RAB2A: variants seen among roughly 807,000 people sequenced by gnomAD.
RAB2A encodes ras-related protein Rab-2A.
RAB2A carries 7 observed loss-of-function variants against 32.5 expected under a neutral mutation model. The ratio of observed to expected loss-of-function variants is 0.22; its 90% CI spans 0.12 to 0.40. The LOEUF (loss-of-function observed/expected upper bound fraction) is 0.40, where lower values mean the gene tolerates loss of function less well. Ranked by LOEUF, RAB2A falls within the 10% of genes least tolerant of loss-of-function variation. The pLI, the probability that RAB2A is intolerant of heterozygous loss-of-function variation, is 1.00. For missense variants in RAB2A, 108 were observed against 260.7 expected, an observed-to-expected ratio of 0.41 and a Z score of 4.03; for synonymous variants, 79 against 85.2, an observed-to-expected ratio of 0.93 and a Z score of 0.40.
At chr8:60,606,588 C>T (rs916748889) in intron 6 of RAB2A, among the ~76,000 whole-genome samples, 10 of 152,186 alleles carry the variant, frequency 6.6e-5, no homozygotes, top group African/African-American at 9.6e-5. Flanking sequence ...TGTTACTTAG[C>T]GGGAAGAATT....
chr8:60,608,555 C>CTCTCCTTCTCCT (rs550382106), intron 6 of RAB2A, among the ~76,000 whole-genome samples: 1 of 144,096 alleles, frequency 6.9e-6, no homozygotes. Context: ...TCTCTCCTCT[C>CTCTCCTTCTCCT]TCTCCTTCTC....
chr8:60,617,684 G>A (rs1804469055), intron 6 of RAB2A, among the ~76,000 whole-genome samples: 1 of 152,140 alleles, frequency 6.6e-6, no homozygotes, highest in South Asian at 2.1e-4. Flanking sequence ...GGCAGAGGTT[G>A]CAGTGAACCG....
intron 2 of RAB2A, among the ~76,000 whole-genome samples, chr8:60,562,948 G>A (rs957357317): frequency 2.6e-5 from 4 of 151,792 alleles, no homozygotes; most frequent in Non-Finnish European, 5.9e-5. Context: ...GCATGTTTTT[G>A]CCTTCATTGG....
At chr8:60,567,308 G>A (rs1225446026) in intron 2 of RAB2A, among the ~76,000 whole-genome samples, 3 of 151,972 alleles carry the variant, frequency 2.0e-5, no homozygotes. Context: ...TAGAGACAGG[G>A]TTTTACCATG....
intron 5 of RAB2A, among the ~76,000 whole-genome samples, chr8:60,586,380 C>G (rs981009647): frequency 1.2e-4 from 15 of 128,184 alleles, no homozygotes; most frequent in Non-Finnish European, 2.4e-4. Context: ...GCCTCCTGCC[C>G]GTTAAAAAAA....
At chr8:60,547,820 C>A (rs1227966529) in intron 1 of RAB2A, among the ~76,000 whole-genome samples, 1 of 92,816 alleles carries the variant, frequency 1.1e-5, no homozygotes, top group African/African-American at 4.6e-5. Flanking sequence ...GGCGGCTGGC[C>A]GGGCGGGGGG....
chr8:60,611,170 C>A (rs1160288934), intron 6 of RAB2A, among the ~76,000 whole-genome samples: 1 of 152,184 alleles, frequency 6.6e-6, no homozygotes, highest in Admixed American at 6.5e-5. Context: ...GCTCTGGACT[C>A]CTCAGTCTCC....
At chr8:60,620,097 A>G (rs935411430) in intron 7 of RAB2A, among the ~76,000 whole-genome samples, 12 of 152,374 alleles carry the variant, frequency 7.9e-5, no homozygotes, top group African/African-American at 2.9e-4. Context: ...TACTTTTCTC[A>G]AAGTGTTGTA....
intron 3 of RAB2A, among the ~76,000 whole-genome samples, chr8:60,578,173 G>A (rs1472742666): frequency 1.3e-5 from 2 of 152,024 alleles, no homozygotes; most frequent in Non-Finnish European, 2.9e-5. Flanking sequence ...TGGCTCTTTG[G>A]GATCAATCCA....
chr8:60,537,938 C>T (rs1038625794), intron 1 of RAB2A, among the ~76,000 whole-genome samples: 1 of 152,158 alleles, frequency 6.6e-6, no homozygotes, highest in African/African-American at 2.4e-5. Flanking sequence ...CCTCAGCCTC[C>T]CAGTGCTGGG....
At chr8:60,561,406 T>G (rs1313850237) in intron 2 of RAB2A, among the ~76,000 whole-genome samples, 4 of 152,200 alleles carry the variant, frequency 2.6e-5, no homozygotes, top group Non-Finnish European at 5.9e-5. Context: ...TTTAGGTGTG[T>G]CTCAACGTGA....
intron 1 of RAB2A, among the ~76,000 whole-genome samples, chr8:60,543,008 A>G (rs72648591): frequency 1.9e-4 from 29 of 152,304 alleles, no homozygotes; most frequent in Non-Finnish European, 3.4e-4. Context: ...AATGCTCTGT[A>G]TTCCCAATTT....
At chr8:60,608,483 CTCTTCCTCTCCT>C (rs60627947) in intron 6 of RAB2A, among the ~76,000 whole-genome samples, 31,173 of 132,682 alleles carry the variant, frequency 0.23, 4,018 homozygotes, top group Middle Eastern at 0.39. Flanking sequence ...CTCCCTCTCC[CTCTTCCTCTCCT>C]TCTTCCTCTC....
chr8:60,527,383 A>G (rs1312034807), intron 1 of RAB2A, among the ~76,000 whole-genome samples: 1 of 152,174 alleles, frequency 6.6e-6, no homozygotes, highest in African/African-American at 2.4e-5. Flanking sequence ...TAAGATCAGA[A>G]GAGGTTTAAT....
intron 6 of RAB2A, among the ~76,000 whole-genome samples, chr8:60,593,423 T>C (rs1051161613): frequency 2.6e-5 from 4 of 152,158 alleles, no homozygotes; most frequent in African/African-American, 9.7e-5. Flanking sequence ...AAGAAAGTCT[T>C]CTAGCCAGAG....
intron 6 of RAB2A, among the ~76,000 whole-genome samples, chr8:60,614,634 T>A: frequency 6.6e-6 from 1 of 152,210 alleles, no homozygotes; most frequent in African/African-American, 2.4e-5. Flanking sequence ...AATGTTTATT[T>A]GAATTAGAAC....
At chr8:60,533,567 A>C (rs1807512138) in intron 1 of RAB2A, among the ~76,000 whole-genome samples, 2 of 152,204 alleles carry the variant, frequency 1.3e-5, no homozygotes, top group Non-Finnish European at 2.9e-5. Flanking sequence ...TGGTAAGTTA[A>C]TTTGTGCTGG....
intron 1 of RAB2A, chr8:60,558,639 TAAGA>T: frequency 1.7e-6 from 1 of 588,754 alleles, no homozygotes; most frequent in Admixed American, 2.8e-5. Context: ...ATTAAATGTG[TAAGA>T]AAGGGTGAAA....
intron 1 of RAB2A, among the ~76,000 whole-genome samples, chr8:60,532,561 A>G (rs1294307756): frequency 6.6e-6 from 1 of 152,002 alleles, no homozygotes; most frequent in Non-Finnish European, 1.5e-5. Context: ...CCCAGGGTGG[A>G]GTGCAGTGGC....
Sources: gnomAD v4.1 joint callset for allele counts (sites outside exome capture counted in the v4.1 genomes callset) on GRCh38, gnomAD v4.1.1 for gene constraint, MANE v1.5 for transcripts, NCBI Gene and HGNC (gene_info 2026-07-23, HGNC 2026-07-21) for gene names.